Variants in ADAMTS16 observed in about 807,000 individuals in gnomAD.
The protein encoded by ADAMTS16 is ADAM metallopeptidase with thrombospondin type 1 motif 16, also known as A disintegrin and metalloproteinase with thrombospondin motifs 16.
A neutral mutation model predicts 145.8 loss-of-function variants in ADAMTS16; 94 were observed. The ratio of observed to expected loss-of-function variants is 0.64; its 90% CI spans 0.55 to 0.77. The LOEUF (loss-of-function observed/expected upper bound fraction) is 0.77. Among genes scored for constraint, ADAMTS16 ranks in the 30% least tolerant of loss-of-function variants. The pLI is 0.00. For missense variants in ADAMTS16, 1,585 were observed against 1,591.5 expected (o/e 1.00, Z 0.07); for synonymous variants, 659 against 604.3 (o/e 1.09, Z -1.33).
intron 18 of ADAMTS16, among the ~76,000 whole-genome samples, chr5:5,280,676 C>T (rs1359906543): frequency 6.6e-6 from 1 of 152,004 alleles, no homozygotes; most frequent in Admixed American, 6.6e-5. Context: ...TGTTGAGTAA[C>T]GGAATTCTAT....
At chr5:5,301,586 T>C (rs903356630) in intron 18 of ADAMTS16, among the ~76,000 whole-genome samples, 1 of 152,180 alleles carries the variant, frequency 6.6e-6, no homozygotes, top group African/African-American at 2.4e-5. Context: ...CGAGAACACT[T>C]CTCCCAGGTG....
chr5:5,188,052 G>C (rs1735558499), intron 6 of ADAMTS16, among the ~76,000 whole-genome samples: 1 of 152,090 alleles, frequency 6.6e-6, no homozygotes, highest in African/African-American at 2.4e-5. Context: ...GTAAGAAAAT[G>C]GCATGTAAAA....
intron 10 of ADAMTS16, among the ~76,000 whole-genome samples, chr5:5,218,351 G>T (rs774880847): frequency 2.6e-5 from 4 of 152,218 alleles, no homozygotes; most frequent in Non-Finnish European, 5.9e-5. Context: ...AGACAGGGGT[G>T]TGGCTCGCTC....
rs111424227 is a variant in ADAMTS16 at position 5,185,555 on chromosome 5, T to C, written c.764-497T>C. Among the ~76,000 whole-genome samples, 232 of 152,360 alleles carry C rather than the reference T, an allele frequency of 1.5e-3. 2 individuals are homozygous for C. Among genetic ancestry groups the C allele is most frequent in the African/African-American group, 5.3e-3 (221 of 41,590 alleles). ...GCTGCCTCAAGCATTTTATAATCTA[T>C]TGGAAACAGTGTAGACAAGCTAGTT... On this transcript the variant is annotated intron_variant, in intron 4 of 22. Transcript: ENST00000274181.
At chr5:5,230,384 T>C (rs1484478580) in intron 11 of ADAMTS16, among the ~76,000 whole-genome samples, 1 of 152,188 alleles carries the variant, frequency 6.6e-6, no homozygotes, top group Non-Finnish European at 1.5e-5. Flanking sequence ...TTGATGATAT[T>C]AAGGAATGAT....
At chr5:5,302,798 A>G (rs554054668) in intron 18 of ADAMTS16, among the ~76,000 whole-genome samples, 16 of 152,176 alleles carry the variant, frequency 1.1e-4, no homozygotes, top group Non-Finnish European at 2.2e-4. Context: ...TATTACGGTT[A>G]TGTTTTAAAA....
intron 18 of ADAMTS16, among the ~76,000 whole-genome samples, chr5:5,272,258 G>C (rs1409228678): frequency 2.0e-5 from 3 of 152,038 alleles, no homozygotes; most frequent in African/African-American, 7.2e-5. Context: ...AGCAGGATGG[G>C]CTTCCTGGGA....
intron 16 of ADAMTS16, among the ~76,000 whole-genome samples, chr5:5,240,390 A>G (rs942095789): frequency 3.3e-5 from 5 of 152,222 alleles, no homozygotes; most frequent in African/African-American, 9.7e-5. Flanking sequence ...CCGCAGTCAC[A>G]TCAACCCAGT....
At chr5:5,298,496 T>C (rs894930896) in intron 18 of ADAMTS16, among the ~76,000 whole-genome samples, 21 of 151,942 alleles carry the variant, frequency 1.4e-4, no homozygotes, top group African/African-American at 4.6e-4. Context: ...TGGCAAGTAA[T>C]AAGGCCCTTG....
In ADAMTS16 at chr5:5,200,168, C is replaced by T. The variant is rs6555335; in HGVS notation, c.1350C>T (p.Cys450=). Residue 450 remains cysteine, a synonymous_variant, in exon 9 of 23, where the codon TGC becomes TGT. Coordinates refer to ENST00000274181, the MANE Select transcript of ADAMTS16 (RefSeq NM_139056.4). The stretch of plus-strand genomic sequence containing the variant: ...TTCATGATGGAGAAGGGAACATGTG[C>T]AAAAAGTCCGAGGGCAACATCATGT... ...GMIHDGEGNM[C]KKSEGNIMSP... The T allele has an allele frequency of 0.74, 1,200,702 of 1,612,780 alleles. 448,882 individuals carry two copies. Among genetic ancestry groups the T allele is most frequent in the Admixed American group, 0.84 (50,335 of 59,890 alleles).
At chr5:5,312,445 G>GT (rs1168729392) in intron 21 of ADAMTS16, among the ~76,000 whole-genome samples, 147 of 126,934 alleles carry the variant, frequency 1.2e-3, no homozygotes, top group African/African-American at 4.2e-3. Flanking sequence ...TTTTGTTGTT[G>GT]TTATTTTTTT....
intron 14 of ADAMTS16, 55 bp downstream of exon 14, chr5:5,237,154 TC>T: frequency 6.3e-7 from 1 of 1,578,218 alleles, no homozygotes; most frequent in Middle Eastern, 1.7e-4. Context: ...CTGCTTTGTG[TC>T]AAGCATCCTG....
At chr5:5,302,225 C>G (rs1263117320) in intron 18 of ADAMTS16, among the ~76,000 whole-genome samples, 21 of 152,198 alleles carry the variant, frequency 1.4e-4, no homozygotes, top group Non-Finnish European at 1.5e-5. Flanking sequence ...CTGGGCAAAG[C>G]CTGGCTCAGA....
intron 17 of ADAMTS16, among the ~76,000 whole-genome samples, chr5:5,251,540 T>G (rs963860358): frequency 6.6e-6 from 1 of 152,250 alleles, no homozygotes; most frequent in Non-Finnish European, 1.5e-5. Flanking sequence ...CCTTTTCTGT[T>G]GGGAAAACCC....
chr5:5,217,097 G>A (rs1232202280), intron 10 of ADAMTS16, among the ~76,000 whole-genome samples: 2 of 151,970 alleles, frequency 1.3e-5, no homozygotes, highest in Admixed American at 1.3e-4. Context: ...ACAAGCAATG[G>A]GGAAAGGATT....
intron 3 of ADAMTS16, among the ~76,000 whole-genome samples, chr5:5,172,076 C>T (rs886887028): frequency 2.6e-5 from 4 of 152,046 alleles, no homozygotes; most frequent in Non-Finnish European, 5.9e-5. Context: ...AGCCTCTAAT[C>T]ATCCTTTGTA....
At position 5,306,571 on chromosome 5, in the gene ADAMTS16, G is replaced by A. The variant is rs1252891242; in HGVS notation, c.3254G>A (p.Gly1085Glu). 6.2e-7 allele frequency: 1 copy of A among 1,614,204 alleles called. No individual in the cohort carries two copies. Among genetic ancestry groups the A allele is most frequent in the East Asian group, 2.2e-5 (1 of 44,876 alleles). ...FLKCAEKYVS[G>E]KYRELASKKC... is the part of the protein sequence containing the mutation. ...AAATGTGCTGAAAAGTATGTTTCTGGAAAGTATCGAGAGCTGGCCTCAAAG... is the reference window on the plus strand; with the variant it reads ...AAATGTGCTGAAAAGTATGTTTCTGAAAAGTATCGAGAGCTGGCCTCAAAG... The change falls in exon 21 of 23, where the codon GGA (glycine) becomes GAA (glutamate). Residue 1085 changes from glycine (G) to glutamate (E), a missense_variant. By Grantham distance (98) the Gly-to-Glu change is moderately conservative (BLOSUM62 -2). Transcript: ENST00000274181.
At chr5:5,272,865 G>T (rs565637570) in intron 18 of ADAMTS16, among the ~76,000 whole-genome samples, 1 of 152,328 alleles carries the variant, frequency 6.6e-6, no homozygotes, top group East Asian at 1.9e-4. Flanking sequence ...CTATACTGTT[G>T]TCAGATCATG....
chr5:5,223,832 A>G (rs1736677751), intron 11 of ADAMTS16: 3 of 151,914 alleles, frequency 2.0e-5, no homozygotes, highest in South Asian at 2.1e-4. Flanking sequence ...CCACATTATC[A>G]CTATAACTAT....
Sources: allele counts gnomAD v4.1 joint callset (sites outside exome capture counted in the v4.1 genomes callset), GRCh38; gene constraint gnomAD v4.1.1; transcripts MANE v1.5; gene names NCBI Gene and HGNC (gene_info 2026-07-23, HGNC 2026-07-21).